The following NAALADL2 variants were observed in gnomAD, a reference collection of about 807,000 sequenced individuals.
NAALADL2 encodes inactive N-acetylated-alpha-linked acidic dipeptidase-like protein 2.
Under a neutral mutation model 87.2 loss-of-function variants are expected in NAALADL2, and 76 were observed. The ratio of observed to expected loss-of-function variants is 0.87; its 90% CI spans 0.72 to 1.05. The LOEUF is 1.05. Among genes scored for constraint, NAALADL2 ranks in the 50% least tolerant of loss-of-function variants. The probability of loss-of-function intolerance (pLI) is 0.00; values close to 1 mark genes in which losing one functional copy is unlikely to be tolerated. For missense variants in NAALADL2, 1,089 were observed against 945.8 expected, an observed-to-expected ratio of 1.15 and a Z score of -1.99; for synonymous variants, 354 against 331.0, an observed-to-expected ratio of 1.07 and a Z score of -0.75.
rs766408469 is a variant in NAALADL2 at position 175,466,921 on chromosome 3, A to C, written c.1328-58A>C. The C allele has an allele frequency of 1.5e-5, 20 of 1,329,182 alleles. No homozygotes were observed. The East Asian group carries it at 1.6e-4, about 11-fold the overall frequency. The allele number at this position is 1,329,182 out of a possible 1,614,324, so 82.3% of individuals were successfully genotyped here. On this transcript the variant is annotated intron_variant, in intron 7 of 13. Transcript: ENST00000454872. ...GCAATAGAATTATGTAAATGTCATT[A>C]AATTTATTGTTAAGGTTTACATTTT...
chr3:174,679,430 ACAAT>A (rs1177421427), intron 2 of NAALADL2, among the ~76,000 whole-genome samples: 5 of 152,146 alleles, frequency 3.3e-5, no homozygotes, highest in African/African-American at 1.2e-4. Context: ...CTTTTTATGT[ACAAT>A]TTCTGTAAAC....
intron 5 of NAALADL2, among the ~76,000 whole-genome samples, chr3:175,376,898 A>T (rs1378431477): frequency 6.6e-6 from 1 of 152,056 alleles, no homozygotes; most frequent in African/African-American, 2.4e-5. Context: ...ATCTACTGTT[A>T]ATCCCTCCCA....
intron 1 of NAALADL2, among the ~76,000 whole-genome samples, chr3:174,921,288 A>G (rs1225211264): frequency 6.6e-6 from 1 of 152,222 alleles, no homozygotes; most frequent in Non-Finnish European, 1.5e-5. Flanking sequence ...TATTTTGCTG[A>G]AAATATGTGC....
intron 2 of NAALADL2, among the ~76,000 whole-genome samples, chr3:174,649,638 T>C (rs1724155355): frequency 6.6e-6 from 1 of 152,080 alleles, no homozygotes; most frequent in African/African-American, 2.4e-5. Flanking sequence ...TAAAACAAGT[T>C]TTCATGATTT....
chr3:174,926,140 G>A (rs1735991687), intron 1 of NAALADL2, among the ~76,000 whole-genome samples: 1 of 152,120 alleles, frequency 6.6e-6, no homozygotes, highest in Non-Finnish European at 1.5e-5. Flanking sequence ...AATGAAGCGA[G>A]AAGAGAAGTT....
chr3:175,304,199 A>T (rs1272471593), intron 4 of NAALADL2, among the ~76,000 whole-genome samples: 2 of 152,190 alleles, frequency 1.3e-5, no homozygotes, highest in Non-Finnish European at 2.9e-5. Flanking sequence ...CATGCAAATT[A>T]TCTGTCTGGT....
intron 5 of NAALADL2, among the ~76,000 whole-genome samples, chr3:175,372,187 C>G (rs72497142): frequency 6.6e-6 from 1 of 152,058 alleles, no homozygotes; most frequent in Non-Finnish European, 1.5e-5. Context: ...GTACAGGAGT[C>G]GCTATGTTTT....
chr3:175,650,492 A>G (rs924701614), intron 11 of NAALADL2, among the ~76,000 whole-genome samples: 2 of 152,218 alleles, frequency 1.3e-5, no homozygotes, highest in Admixed American at 1.3e-4. Context: ...TTTGTGGTGT[A>G]TAACTATACC....
At chr3:175,045,103 A>C (rs1448404916) in intron 1 of NAALADL2, among the ~76,000 whole-genome samples, 1 of 152,036 alleles carries the variant, frequency 6.6e-6, no homozygotes, top group African/African-American at 2.4e-5. Flanking sequence ...TAAGAACTCT[A>C]ATAGTTGTTG....
intron 1 of NAALADL2, among the ~76,000 whole-genome samples, chr3:174,976,159 T>A (rs1182466052): frequency 6.6e-6 from 1 of 152,224 alleles, no homozygotes; most frequent in African/African-American, 2.4e-5. Flanking sequence ...CTATAAAATA[T>A]GAAAAGAAGA....
At chr3:175,334,917 G>A (rs1222699535) in intron 5 of NAALADL2, among the ~76,000 whole-genome samples, 1 of 152,176 alleles carries the variant, frequency 6.6e-6, no homozygotes, top group Admixed American at 6.5e-5. Flanking sequence ...GGCCCGGTCT[G>A]TATGCCGTTT....
chr3:175,784,202 A>G (rs904355264), intron 13 of NAALADL2, among the ~76,000 whole-genome samples: 4,878 of 148,364 alleles, frequency 0.033, 248 homozygotes, highest in African/African-American at 0.11. Context: ...TGGTATCAGA[A>G]TGATGCTGGC....
chr3:174,534,766 A>G (rs1484544359), intron 1 of NAALADL2, among the ~76,000 whole-genome samples: 12 of 152,120 alleles, frequency 7.9e-5, no homozygotes, highest in Admixed American at 7.9e-4. Context: ...CACCCTCTCC[A>G]GAGTTGCTTG....
intron 2 of NAALADL2, among the ~76,000 whole-genome samples, chr3:174,603,596 A>G (rs920172606): frequency 9.9e-5 from 15 of 151,250 alleles, no homozygotes; most frequent in African/African-American, 1.9e-4. Flanking sequence ...TTCCAATTTT[A>G]TTAATTTTTT....
At chr3:175,036,109 G>A (rs1398137033) in intron 1 of NAALADL2, among the ~76,000 whole-genome samples, 1 of 152,074 alleles carries the variant, frequency 6.6e-6, no homozygotes, top group Admixed American at 6.5e-5. Flanking sequence ...AGATACACTA[G>A]TTGAAGTAAA....
intron 5 of NAALADL2, among the ~76,000 whole-genome samples, chr3:175,367,570 T>A (rs917572361): frequency 6.6e-6 from 1 of 152,204 alleles, no homozygotes; most frequent in Non-Finnish European, 1.5e-5. Context: ...GAAGAGGTCC[T>A]CCACGTCCCT....
intron 2 of NAALADL2, among the ~76,000 whole-genome samples, chr3:175,132,148 C>T (rs1728098646): frequency 7.8e-6 from 1 of 128,456 alleles, no homozygotes; most frequent in South Asian, 2.6e-4. Flanking sequence ...GACCCCCCCA[C>T]CTCCCTCCCG....
intron 11 of NAALADL2, among the ~76,000 whole-genome samples, chr3:175,650,362 A>G (rs77617556): frequency 0.02 from 3,117 of 152,224 alleles, 108 homozygotes; most frequent in African/African-American, 0.066. Flanking sequence ...ACTCAAAGGA[A>G]TTTTTTTAGA....
chr3:175,632,594 GATGT>G (rs1350870976), intron 11 of NAALADL2, among the ~76,000 whole-genome samples: 2 of 152,074 alleles, frequency 1.3e-5, no homozygotes, highest in Non-Finnish European at 2.9e-5. Context: ...TGAAGGACAG[GATGT>G]ATGATATAGG....
Sources: allele counts gnomAD v4.1 joint callset (sites outside exome capture counted in the v4.1 genomes callset), GRCh38; gene constraint gnomAD v4.1.1; transcripts MANE v1.5; gene names NCBI Gene and HGNC (gene_info 2026-07-23, HGNC 2026-07-21).